The following LIPE variants were observed in gnomAD, a reference collection of about 807,000 sequenced individuals.
The protein encoded by LIPE is lipase E, hormone sensitive type, also known as hormone-sensitive lipase.
In LIPE, 66 loss-of-function variants were observed where a neutral mutation model predicts 88.5. The observed-to-expected ratio is 0.75, with a 90% CI of 0.61 to 0.91. The LOEUF (loss-of-function observed/expected upper bound fraction) is 0.91, where lower values mean the gene tolerates loss of function less well. Ranked by LOEUF, LIPE falls within the 40% of genes least tolerant of loss-of-function variation. The pLI is 0.00. For synonymous variants in LIPE, 570 were observed against 617.5 expected (o/e 0.92, Z 1.14); for missense variants, 1,346 against 1,434.7 (o/e 0.94, Z 1.00).
intron 1 of LIPE, among the ~76,000 whole-genome samples, chr19:42,415,824 A>G (rs1172802824): frequency 1.3e-5 from 2 of 151,910 alleles, no homozygotes; most frequent in African/African-American, 2.4e-5. Context: ...AAAAAAAAAA[A>G]AGTGAACTAG....
intron 8 of LIPE, among the ~76,000 whole-genome samples, chr19:42,403,650 G>A (rs537338878): frequency 3.0e-4 from 45 of 151,628 alleles, no homozygotes; most frequent in Admixed American, 1.3e-3. Flanking sequence ...ATGGGGTTTC[G>A]CCATGTTGGC....
rs2040355764 is a variant in LIPE, at chr19:42,410,868, A to T, written c.884-26T>A. 2.0e-6 allele frequency: 3 copies of T among 1,525,162 alleles called. No homozygotes were observed. The highest frequency in any genetic ancestry group is 2.6e-6 in the Non-Finnish European group (3 of 1,138,412). 94.5% of individuals were successfully genotyped at this position (1,525,162 alleles called of 1,614,324 possible). A position where few individuals can be genotyped will look rare whatever the true frequency, so the allele number is the denominator to read the frequency against. ...CTGTGGGCAGGTGGGGAGGCCTGTT[A>T]GGTGGGGCTGGATCAAGCCTTGCTT... is the stretch of plus-strand genomic sequence containing the variant. On this transcript the variant is annotated intron_variant, in intron 1 of 9. Transcript: ENST00000244289. This position sits in a 1 kb window ranked among gnomAD's most constrained non-coding sequence, Gnocchi z 6.1.
rs190418089 is a variant in LIPE at position 42,411,931 on chromosome 19, C to T, written c.884-1089G>A. Among the ~76,000 whole-genome samples, 416 of 152,290 alleles carry T rather than the reference C, an allele frequency of 2.7e-3. 2 individuals carry two copies. The highest frequency in any genetic ancestry group is 4.3e-3 in the Non-Finnish European group (291 of 68,032). On this transcript the variant is annotated intron_variant, in intron 1 of 9. Transcript: ENST00000244289. The stretch of plus-strand genomic sequence containing the variant: ...CAAATCTCTATTATTGCCAGCATCC[C>T]CATTTTACAGGAGAGGAAACTGAGG...
intron 1 of LIPE, among the ~76,000 whole-genome samples, chr19:42,421,596 T>C (rs1355403362): frequency 6.6e-6 from 1 of 152,214 alleles, no homozygotes; most frequent in East Asian, 1.9e-4. Flanking sequence ...CAGAATCAAG[T>C]TTGGGCCCAC....
At chr19:42,411,291 C>G in intron 1 of LIPE, 1 of 984,758 alleles carries the variant, frequency 1.0e-6, no homozygotes, top group Non-Finnish European at 1.2e-6. Flanking sequence ...AGGAGGCTGC[C>G]GGTCCTTCTT....
In LIPE at chr19:42,405,440, G is replaced by A; in HGVS notation, c.2487C>T (p.Asn829=). ...TGCGCCCACTTAACTCCAGGAAGGA[G>A]TTGAGCCATGAGGAGGCACCCAGGC... The part of the protein sequence containing the change: ...DFRLGASSWL[N]SFLELSGRKS... Residue 829 remains asparagine, a synonymous_variant, in exon 8 of 10, where the codon AAC becomes AAT. Transcript: ENST00000244289. The A allele has an allele frequency of 6.2e-7, 1 of 1,614,050 alleles. No individual in the cohort carries two copies. The highest frequency in any genetic ancestry group is 8.5e-7 in the Non-Finnish European group (1 of 1,180,034).
At position 42,405,444 on chromosome 19, in the gene LIPE, A is replaced by G; in HGVS notation, c.2483T>C (p.Leu828Pro). The change falls in exon 8 of 10, where the codon CTC (leucine) becomes CCC (proline). Residue 828 changes from leucine to proline, a missense_variant. Leu to Pro is a moderately conservative substitution (Grantham distance 98, BLOSUM62 -3). Transcript: ENST00000244289. ...CCCACTTAACTCCAGGAAGGAGTTG[A>G]GCCATGAGGAGGCACCCAGGCGGAA... ...RDFRLGASSW[L>P]NSFLELSGRK... The G allele has an allele frequency of 1.2e-6, 2 of 1,613,918 alleles. No homozygotes were observed. The highest frequency in any genetic ancestry group is 3.3e-4 in the Middle Eastern group (2 of 5,990).
At chr19:42,417,172 G>A (rs1176939805) in intron 1 of LIPE, among the ~76,000 whole-genome samples, 6 of 152,146 alleles carry the variant, frequency 3.9e-5, no homozygotes, top group Non-Finnish European at 7.3e-5. Context: ...CGCCTGCCTC[G>A]GCCTCCCAAA....
chr19:42,423,697 T>G lies in LIPE; in HGVS notation c.883+2570A>C. 2.6e-6 allele frequency: 3 copies of G among 1,139,758 alleles called. No homozygotes were observed. In the South Asian group the frequency reaches 5.3e-5, roughly 20 times the overall value. 70.6% of individuals were successfully genotyped at this position (1,139,758 alleles called of 1,614,324 possible). ...CTAACCAATTCTGGTCTCCCTCCGC[T>G]GCCGTGCTCCGCCCCCAACCGCCAG... is the stretch of plus-strand genomic sequence containing the variant. On this transcript the variant is annotated intron_variant, in intron 1 of 9. Transcript: ENST00000244289.
intron 1 of LIPE, chr19:42,423,343 C>T (rs1230722937): frequency 3.5e-6 from 4 of 1,129,358 alleles, no homozygotes; most frequent in African/African-American, 1.6e-5. Flanking sequence ...GGCAGTGGGC[C>T]AGTCCACGCT....
In LIPE at chr19:42,407,819, AG is replaced by A; in HGVS notation, c.1657-29del. On this transcript the variant is annotated intron_variant, in intron 4 of 9. Coordinates refer to ENST00000244289, the MANE Select transcript of LIPE (RefSeq NM_005357.4). This position sits in a 1 kb window ranked among gnomAD's most constrained non-coding sequence, Gnocchi z 5.8. ...GGAGGGAGGGGACAGAAGGGGTGCT[AG>A]GGAAGGTCTGCCTGCAGGGGTGCCC... 1 of 1,547,390 alleles carries A rather than the reference AG, an allele frequency of 6.5e-7. No individual in the cohort carries two copies. The highest frequency in any genetic ancestry group is 1.2e-5 in the South Asian group (1 of 80,658).
chr19:42,408,471 G>C lies in LIPE; in HGVS notation c.1420-149C>G, dbSNP rs2040264631. ...GTGTGCTGGGCATAGCTCTCGGCTG[G>C]TTCACGGACCTGATGTTCTCAAAGG... On this transcript the variant is annotated intron_variant, in intron 2 of 9. Coordinates refer to ENST00000244289, the MANE Select transcript of LIPE (RefSeq NM_005357.4). This position sits in a 1 kb window ranked among gnomAD's most constrained non-coding sequence, Gnocchi z 4.3. 3 of 669,926 alleles carry C rather than the reference G, an allele frequency of 4.5e-6. No homozygotes were observed. The highest frequency in any genetic ancestry group is 3.4e-5 in the South Asian group (2 of 58,994). 41.5% of individuals were successfully genotyped at this position (669,926 alleles called of 1,614,324 possible). A position where few individuals can be genotyped will look rare whatever the true frequency, so the allele number is the denominator to read the frequency against.
chr19:42,411,164 G>T, intron 1 of LIPE: 1 of 287,790 alleles, frequency 3.5e-6, no homozygotes, highest in Non-Finnish European at 5.2e-6. Context: ...GGACCCAGGA[G>T]CCCCTGCTAT....
intron 1 of LIPE, among the ~76,000 whole-genome samples, chr19:42,422,542 G>A (rs867376571): frequency 1.8e-4 from 28 of 152,256 alleles, no homozygotes; most frequent in African/African-American, 6.0e-4. Context: ...TCTACGGCAG[G>A]GGAAGCAATG....
In LIPE at chr19:42,403,031, T is replaced by C. The variant is rs746658920; in HGVS notation, c.2543A>G (p.Glu848Gly). ...TTCAGACACACTGCGGCGCATCGGC[T>C]CTGAGAGAGGGAGAGCAGATAGGCC... Reference protein sequence around the residue: ...KSQKMSEPIAEPMRRSVSEAA... With the variant: ...KSQKMSEPIAGPMRRSVSEAA... Residue 848 changes from glutamate (E) to glycine (G), a missense_variant and splice_region_variant, in exon 9 of 10, where the codon GAG (glutamate) becomes GGG (glycine). Coordinates refer to ENST00000244289, the MANE Select transcript of LIPE (RefSeq NM_005357.4). The C allele has an allele frequency of 6.5e-7, 1 of 1,548,884 alleles. No individual in the cohort carries two copies. The highest frequency in any genetic ancestry group is 8.7e-7 in the Non-Finnish European group (1 of 1,148,990).
Position 42,410,806 on chromosome 19 carries a change from A to G in LIPE, c.920T>C (p.Met307Thr). The G allele has an allele frequency of 1.9e-6, 3 of 1,585,872 alleles. No homozygotes were observed. Among genetic ancestry groups the G allele is most frequent in the Non-Finnish European group, 2.6e-6 (3 of 1,163,344 alleles). ...RLIHNMDLRT[M>T]TQSLVTLAED... ...CGCCAGAGTCACCAGCGACTGTGTC[A>G]TTGTGCGCAGGTCCATGTTGTGGAT... Residue 307 changes from methionine (M) to threonine (T), a missense_variant, in exon 2 of 10, where the codon ATG becomes ACG. Coordinates refer to ENST00000244289, the MANE Select transcript of LIPE (RefSeq NM_005357.4). This position sits in a 1 kb window ranked among gnomAD's most constrained non-coding sequence, Gnocchi z 6.1.
chr19:42,405,383 A>G lies in LIPE; in HGVS notation c.2542+2T>C. ...GGCATGTGACGGGAGTGAATCACTCACCTGCTATGGGCTCCGACATCTTCT... is the reference window on the plus strand; with the variant it reads ...GGCATGTGACGGGAGTGAATCACTCGCCTGCTATGGGCTCCGACATCTTCT... On this transcript the variant is annotated splice_donor_variant, in intron 8 of 9. Transcript: ENST00000244289. LOFTEE classifies it high-confidence loss of function. 1.2e-6 allele frequency: 2 copies of G among 1,612,266 alleles called. No individual in the cohort carries two copies. The highest frequency in any genetic ancestry group is 1.7e-6 in the Non-Finnish European group (2 of 1,179,658).
chr19:42,401,988 CCA>C lies in LIPE; in HGVS notation c.3053_3054del (p.Val1018GlyfsTer72). The C allele has an allele frequency of 6.4e-7, 1 of 1,554,926 alleles. No homozygotes were observed. The highest frequency in any genetic ancestry group is 1.2e-5 in the South Asian group (1 of 84,354). ...RNLGQPVTLR[V>X]VEDLPHGFLT... ...AGGAAGCCGTGCGGCAGGTCCTCCACCACGCGCAGCGTCACCGGCTGGCCCAG... is the reference window on the plus strand; with the variant it reads ...AGGAAGCCGTGCGGCAGGTCCTCCACCGCGCAGCGTCACCGGCTGGCCCAG... On this transcript the variant is annotated frameshift_variant, in exon 10 of 10. Transcript: ENST00000244289. LOFTEE classifies it low-confidence loss of function (END_TRUNC).
chr19:42,425,344 G>T (rs1439873312), intron 1 of LIPE: 1 of 152,362 alleles, frequency 6.6e-6, no homozygotes, highest in African/African-American at 2.4e-5. Context: ...CCCTAGCTCA[G>T]AGTGCCTTCC....
Sources: allele counts gnomAD v4.1 joint callset (sites outside exome capture counted in the v4.1 genomes callset), GRCh38; gene constraint gnomAD v4.1.1; non-coding constraint Gnocchi (gnomAD v3.1); transcripts MANE v1.5; gene names NCBI Gene and HGNC (gene_info 2026-07-23, HGNC 2026-07-21).